The following COL23A1 variants were observed in gnomAD, a reference collection of about 807,000 sequenced individuals.
COL23A1 encodes the protein collagen type XXIII alpha 1 chain.
COL23A1 carries 97 observed loss-of-function variants against 99.3 expected under a neutral mutation model. The ratio of observed to expected loss-of-function variants is 0.98; its 90% CI spans 0.83 to 1.16. The LOEUF (loss-of-function observed/expected upper bound fraction) is 1.16, where lower values mean the gene tolerates loss of function less well. Among genes scored for constraint, COL23A1 ranks in the 50% most tolerant of loss-of-function variants. The pLI, the probability that COL23A1 is intolerant of heterozygous loss-of-function variation, is 0.00. For missense variants in COL23A1, 762 were observed against 757.4 expected (o/e 1.01, Z -0.07); for synonymous variants, 320 against 308.2 (o/e 1.04, Z -0.40).
At chr5:178,418,973 C>T (rs1765456888) in intron 2 of COL23A1, among the ~76,000 whole-genome samples, 1 of 152,222 alleles carries the variant, frequency 6.6e-6, no homozygotes, top group Admixed American at 6.5e-5. Flanking sequence ...ACTCTGCCTG[C>T]CTCATCCACT....
chr5:178,302,114 C>CTG (rs1758086042), intron 3 of COL23A1, among the ~76,000 whole-genome samples: 1 of 136,616 alleles, frequency 7.3e-6, no homozygotes, highest in African/African-American at 2.8e-5. Context: ...TGCTGCACCT[C>CTG]TGTGTGCGCC....
chr5:178,274,189 T>G (rs1756453876), intron 5 of COL23A1, among the ~76,000 whole-genome samples: 1 of 152,254 alleles, frequency 6.6e-6, no homozygotes, highest in African/African-American at 2.4e-5. Flanking sequence ...CTTCCACCCC[T>G]GCAATGGGCT....
At chr5:178,462,855 G>T (rs980376286) in intron 2 of COL23A1, among the ~76,000 whole-genome samples, 6 of 152,228 alleles carry the variant, frequency 3.9e-5, no homozygotes, top group African/African-American at 1.4e-4. Flanking sequence ...TTCAGAGCTG[G>T]AGCCAAAATG....
rs569012804 is a variant in COL23A1, at chr5:178,560,052, G to A, written c.361+630C>T. ...GAGACCACACACTGGGCCATGGCCT[G>A]TGCAAAGCTCCCCTGAGGACACCCA... is the stretch of plus-strand genomic sequence containing the variant. On this transcript the variant is annotated intron_variant, in intron 2 of 28. Coordinates refer to ENST00000390654, the MANE Select transcript of COL23A1 (RefSeq NM_173465.4). 1.1e-4 allele frequency among the ~76,000 whole-genome samples: 17 copies of A among 152,336 alleles called. No homozygotes were observed. In the South Asian group the frequency reaches 2.7e-3, roughly 24 times the overall value.
chr5:178,290,248 G>A (rs1242139110), intron 4 of COL23A1, 114 bp downstream of exon 4: 1 of 1,470,758 alleles, frequency 6.8e-7, no homozygotes, highest in Admixed American at 1.7e-5. Flanking sequence ...TAATAGGACT[G>A]ATGTTTTCTG....
intron 2 of COL23A1, among the ~76,000 whole-genome samples, chr5:178,454,761 C>T (rs773539150): frequency 1.2e-4 from 19 of 152,224 alleles, no homozygotes; most frequent in Admixed American, 7.9e-4. Context: ...AATTCCACGC[C>T]GGTGTGCAGG....
chr5:178,301,154 A>G (rs552815053), intron 3 of COL23A1, among the ~76,000 whole-genome samples: 2 of 152,116 alleles, frequency 1.3e-5, no homozygotes, highest in African/African-American at 4.8e-5. Flanking sequence ...GATGATATCA[A>G]TTGACCTATG....
chr5:178,578,176 T>C (rs1375644676), intron 1 of COL23A1, among the ~76,000 whole-genome samples: 1 of 151,664 alleles, frequency 6.6e-6, no homozygotes, highest in Non-Finnish European at 1.5e-5. Context: ...TACGTGCATA[T>C]GCATACATGA....
chr5:178,458,088 G>T (rs1755892805), intron 2 of COL23A1, among the ~76,000 whole-genome samples: 1 of 9,838 alleles, frequency 1.0e-4, no homozygotes, highest in African/African-American at 8.7e-4. Context: ...CATGTCAAAA[G>T]GACTCACATG....
chr5:178,419,944 A>G (rs1328516401), intron 2 of COL23A1, among the ~76,000 whole-genome samples: 1 of 152,190 alleles, frequency 6.6e-6, no homozygotes, highest in Non-Finnish European at 1.5e-5. Flanking sequence ...TTTTGTCTAT[A>G]AATTCGTTCT....
At chr5:178,552,415 C>T (rs945024746) in intron 2 of COL23A1, among the ~76,000 whole-genome samples, 4 of 152,184 alleles carry the variant, frequency 2.6e-5, no homozygotes, top group Non-Finnish European at 4.4e-5. Context: ...CCTCCTTTCA[C>T]TTGGCAGAGT....
At chr5:178,382,314 G>A (rs571367499) in intron 2 of COL23A1, among the ~76,000 whole-genome samples, 1 of 152,298 alleles carries the variant, frequency 6.6e-6, no homozygotes, top group South Asian at 2.1e-4. Flanking sequence ...CAACCTCCAG[G>A]GCTTTTGTGT....
intron 5 of COL23A1, among the ~76,000 whole-genome samples, chr5:178,277,231 TGGC>T (rs1756639694): frequency 6.9e-6 from 1 of 145,794 alleles, no homozygotes; most frequent in African/African-American, 2.5e-5. Flanking sequence ...TTGGGTGTGG[TGGC>T]ACATGCCTGT....
chr5:178,438,246 T>G (rs1244475688), intron 2 of COL23A1, among the ~76,000 whole-genome samples: 1 of 152,162 alleles, frequency 6.6e-6, no homozygotes, highest in Non-Finnish European at 1.5e-5. Flanking sequence ...AAAGCACAGC[T>G]CTGGCCCCTC....
At chr5:178,321,589 A>G (rs1759316097) in intron 2 of COL23A1, among the ~76,000 whole-genome samples, 1 of 141,072 alleles carries the variant, frequency 7.1e-6, no homozygotes, top group Non-Finnish European at 1.5e-5. Flanking sequence ...TCCCAGGTTC[A>G]CGCCATTCTC....
At chr5:178,413,552 T>C (rs1561949764) in intron 2 of COL23A1, among the ~76,000 whole-genome samples, 1 of 152,248 alleles carries the variant, frequency 6.6e-6, no homozygotes, top group Non-Finnish European at 1.5e-5. Flanking sequence ...CAGGAGTTCA[T>C]AAGACATGGT....
chr5:178,502,919 G>T (rs1758652620), intron 2 of COL23A1, among the ~76,000 whole-genome samples: 1 of 152,218 alleles, frequency 6.6e-6, no homozygotes. Flanking sequence ...TGACAGCACA[G>T]CACCAGGACT....
At chr5:178,386,217 T>C (rs528917836) in intron 2 of COL23A1, among the ~76,000 whole-genome samples, 1 of 152,176 alleles carries the variant, frequency 6.6e-6, no homozygotes, top group African/African-American at 2.4e-5. Flanking sequence ...GGCGGGTGGA[T>C]TGTCTGAGCT....
chr5:178,389,402 CA>C (rs1763842587), intron 2 of COL23A1, among the ~76,000 whole-genome samples: 1 of 152,174 alleles, frequency 6.6e-6, no homozygotes, highest in Admixed American at 6.5e-5. Context: ...TGCATTTAGT[CA>C]AAGTGATGCT....
Sources: gnomAD v4.1 joint callset for allele counts (sites outside exome capture counted in the v4.1 genomes callset) on GRCh38, gnomAD v4.1.1 for gene constraint, MANE v1.5 for transcripts, NCBI Gene and HGNC (gene_info 2026-07-23, HGNC 2026-07-21) for gene names.